EDA: variants seen among roughly 807,000 people sequenced by gnomAD.
The protein encoded by EDA is ectodysplasin-A.
Under a neutral mutation model 23.6 loss-of-function variants are expected in EDA, and 2 were observed. The ratio of observed to expected loss-of-function variants is 0.08; its 90% CI spans 0.03 to 0.27. The LOEUF (loss-of-function observed/expected upper bound fraction) is 0.27. Among genes scored for constraint, EDA ranks in the 10% least tolerant of loss-of-function variants. The pLI is 1.00. For missense variants in EDA, 229 were observed against 324.2 expected (o/e 0.71, Z 2.26); for synonymous variants, 131 against 132.0 (o/e 0.99, Z 0.05).
At chrX:69,705,972 TAAAC>T (rs2011703573) in intron 1 of EDA, among the ~76,000 whole-genome samples, 2 of 112,087 alleles carry the variant, frequency 1.8e-5, no homozygotes, top group Non-Finnish European at 3.8e-5. Context: ...AAAATCACCT[TAAAC>T]AAAGGTAAGG....
At chrX:69,788,207 A>G (rs781537467) in intron 1 of EDA, among the ~76,000 whole-genome samples, 1 of 111,538 alleles carries the variant, frequency 9.0e-6, no homozygotes, top group East Asian at 2.8e-4. Context: ...ATTGTTTTCA[A>G]AGTTTTCAAC....
At chrX:69,750,334 C>T (rs1364314370) in intron 1 of EDA, among the ~76,000 whole-genome samples, 2 of 108,739 alleles carry the variant, frequency 1.8e-5, no homozygotes, top group Non-Finnish European at 1.9e-5. Context: ...CATCCATGTC[C>T]CTACAAAGGG....
chrX:69,961,509 T>G (rs2019102319), intron 2 of EDA, among the ~76,000 whole-genome samples: 1 of 111,902 alleles, frequency 8.9e-6, no homozygotes, highest in Non-Finnish European at 1.9e-5. Context: ...ATAGTCTATC[T>G]TGCCTTTTAA....
intron 1 of EDA, among the ~76,000 whole-genome samples, chrX:69,857,542 G>T: frequency 9.1e-6 from 1 of 109,595 alleles, no homozygotes; most frequent in Non-Finnish European, 1.9e-5. Context: ...CTCTTTTTTG[G>T]TTCTATATGA....
At chrX:69,765,693 A>G (rs950647119) in intron 1 of EDA, among the ~76,000 whole-genome samples, 1 of 112,055 alleles carries the variant, frequency 8.9e-6, no homozygotes, top group South Asian at 3.7e-4. Context: ...AGTTTTCCCC[A>G]ATGATTATAT....
chrX:69,957,240 C>T, intron 2 of EDA, 108 bp downstream of exon 2: 1 of 805,801 alleles, frequency 1.2e-6, no homozygotes, highest in Non-Finnish European at 1.9e-6. Context: ...GCCTGTAATC[C>T]TAGCACTTTG....
chrX:69,764,490 G>A (rs895271485), intron 1 of EDA, among the ~76,000 whole-genome samples: 1 of 108,679 alleles, frequency 9.2e-6, no homozygotes, highest in Non-Finnish European at 1.9e-5. Flanking sequence ...TGATCCACCC[G>A]CCTCTCCCTC....
chrX:69,963,419 G>A (rs1396437261), intron 2 of EDA, among the ~76,000 whole-genome samples: 1 of 111,661 alleles, frequency 9.0e-6, no homozygotes, highest in Non-Finnish European at 1.9e-5. Flanking sequence ...TTGTTCACAA[G>A]ACAAAAGTAA....
intron 1 of EDA, among the ~76,000 whole-genome samples, chrX:69,860,401 A>G (rs1382598367): frequency 5.4e-5 from 6 of 111,562 alleles, no homozygotes; most frequent in Non-Finnish European, 1.1e-4. Flanking sequence ...TCCCTTCAGG[A>G]GCTCTTGTAA....
rs61741684 is a variant in EDA at position 69,937,462 on chromosome X, G to C, written c.397-19565G>C. 5.4e-4 allele frequency: 432 copies of C among 793,202 alleles called. 1 individual carries two copies. The African/African-American group carries it at 7.8e-3, about 14-fold the overall frequency. 65.4% of individuals were successfully genotyped at this position (793,202 alleles called of 1,213,427 possible). On this transcript the variant is annotated intron_variant, in intron 1 of 7. Coordinates refer to ENST00000374552, the MANE Select transcript of EDA (RefSeq NM_001399.5). ...TCATAAATGACAGGTAAAAACAATC[G>C]AAGGATCTCAAAGAAGTCAAGTTCT...
Position 69,645,596 on chromosome X carries a change from G to GTGTATATATATA in EDA, c.396+28895_396+28896insATATATATATGT, listed in dbSNP as rs1569281300. On this transcript the variant is annotated intron_variant, in intron 1 of 7. Coordinates refer to ENST00000374552, the MANE Select transcript of EDA (RefSeq NM_001399.5). ...TTCTCTAGTTCTTTTATATATATGT[G>GTGTATATATATA]TGTGTGTATATATATATATGTGTGT... Among the ~76,000 whole-genome samples the GTGTATATATATA allele has an allele frequency of 2.0e-4, 6 of 29,533 alleles. 2 individuals carry two copies. Among genetic ancestry groups the GTGTATATATATA allele is most frequent in the African/African-American group, 7.8e-4 (4 of 5,133 alleles). The allele number at this position is 29,533 out of a possible 115,157, so 25.6% of individuals were successfully genotyped here.
chrX:69,717,394 T>C (rs2012382367), intron 1 of EDA, among the ~76,000 whole-genome samples: 2 of 111,537 alleles, frequency 1.8e-5, no homozygotes, highest in South Asian at 7.5e-4. Context: ...TATTTTAAAT[T>C]TTAGTTTCTG....
chrX:69,678,505 T>G (rs767284513), intron 1 of EDA, among the ~76,000 whole-genome samples: 7 of 111,549 alleles, frequency 6.3e-5, no homozygotes, highest in Middle Eastern at 4.6e-3. Context: ...CCTTGAGCAG[T>G]GGTTTGTAGT....
At chrX:69,704,499 A>G (rs1325887148) in intron 1 of EDA, among the ~76,000 whole-genome samples, 1 of 110,360 alleles carries the variant, frequency 9.1e-6, no homozygotes, top group African/African-American at 3.3e-5. Context: ...GCTGTGCCTG[A>G]ATTTCAAAAG....
chrX:69,731,329 A>G (rs1175904166), intron 1 of EDA, among the ~76,000 whole-genome samples: 1 of 112,059 alleles, frequency 8.9e-6, no homozygotes, highest in African/African-American at 3.2e-5. Context: ...GACACTTCTC[A>G]ATTTAAAACA....
At chrX:69,832,349 A>T (rs902592242) in intron 1 of EDA, among the ~76,000 whole-genome samples, 4 of 111,078 alleles carry the variant, frequency 3.6e-5, no homozygotes, top group African/African-American at 9.8e-5. Flanking sequence ...ATGGTTGTAG[A>T]TGTGTGGTAT....
At chrX:69,790,788 C>T (rs2015382318) in intron 1 of EDA, among the ~76,000 whole-genome samples, 1 of 110,697 alleles carries the variant, frequency 9.0e-6, no homozygotes, top group Admixed American at 9.7e-5. Flanking sequence ...AGTTCAGAGT[C>T]CCTCATAGAA....
chrX:69,969,444 T>C (rs1419300656), intron 2 of EDA, among the ~76,000 whole-genome samples: 1 of 112,301 alleles, frequency 8.9e-6, no homozygotes, highest in Non-Finnish European at 1.9e-5. Flanking sequence ...CTTTAAAAAA[T>C]AAATGTGTTG....
chrX:69,670,272 A>T (rs1933845096), intron 1 of EDA: 2 of 412,098 alleles, frequency 4.9e-6, no homozygotes, highest in Non-Finnish European at 8.4e-6. Flanking sequence ...AAATCCACTG[A>T]TATTCTAATG....
Sources: allele counts gnomAD v4.1 joint callset (sites outside exome capture counted in the v4.1 genomes callset), GRCh38; gene constraint gnomAD v4.1.1; transcripts MANE v1.5; gene names NCBI Gene and HGNC (gene_info 2026-07-23, HGNC 2026-07-21).